Variants in EXOC4 observed in about 807,000 individuals in gnomAD.
EXOC4 encodes the protein SEC8-like 1.
A neutral mutation model predicts 107.2 loss-of-function variants in EXOC4; 71 were observed. That is an observed-to-expected ratio of 0.66 (90% CI 0.55 to 0.81). EXOC4 has a LOEUF of 0.81. Ranked by LOEUF, EXOC4 falls within the 30% of genes least tolerant of loss-of-function variation. EXOC4 has a pLI of 0.00. For synonymous variants in EXOC4, 456 were observed against 441.2 expected (o/e 1.03, Z -0.42); for missense variants, 1,108 against 1,189.6 (o/e 0.93, Z 1.01).
intron 4 of EXOC4, among the ~76,000 whole-genome samples, chr7:133,315,618 T>G (rs1794974125): frequency 6.6e-6 from 1 of 152,220 alleles, no homozygotes; most frequent in Non-Finnish European, 1.5e-5. Flanking sequence ...ATTTATTTTA[T>G]AAATAGATAA....
chr7:133,768,801 C>T (rs1265205530), intron 10 of EXOC4, among the ~76,000 whole-genome samples: 1 of 151,886 alleles, frequency 6.6e-6, no homozygotes, highest in Non-Finnish European at 1.5e-5. Context: ...CCCTTCTTCT[C>T]AGAGAGCCCA....
intron 9 of EXOC4, among the ~76,000 whole-genome samples, chr7:133,617,183 T>G (rs1802213486): frequency 6.6e-6 from 1 of 152,188 alleles, no homozygotes; most frequent in Non-Finnish European, 1.5e-5. Context: ...TATTAATTAT[T>G]TTTGGATTAT....
chr7:134,015,428 G>A (rs760476216), intron 17 of EXOC4, among the ~76,000 whole-genome samples: 1 of 152,112 alleles, frequency 6.6e-6, no homozygotes, highest in Non-Finnish European at 1.5e-5. Context: ...AAGTTATTTG[G>A]ACTTTGTCCT....
intron 10 of EXOC4, among the ~76,000 whole-genome samples, chr7:133,644,841 G>A (rs1313947693): frequency 6.6e-6 from 1 of 152,098 alleles, no homozygotes; most frequent in Non-Finnish European, 1.5e-5. Context: ...CATTTAGTAA[G>A]TGCATGAGAA....
At chr7:133,787,280 C>G (rs1796591800) in intron 10 of EXOC4, among the ~76,000 whole-genome samples, 1 of 150,620 alleles carries the variant, frequency 6.6e-6, no homozygotes, top group African/African-American at 2.4e-5. Context: ...GATCCTCCCA[C>G]CTCAGCCTCC....
chr7:133,424,371 A>G (rs1373879220), intron 7 of EXOC4, among the ~76,000 whole-genome samples: 5 of 151,958 alleles, frequency 3.3e-5, no homozygotes, highest in African/African-American at 4.8e-5. Flanking sequence ...CGCCTTTAAG[A>G]GCTGTAACAC....
At chr7:133,935,441 G>A (rs55655901) in intron 13 of EXOC4, among the ~76,000 whole-genome samples, 15,476 of 152,120 alleles carry the variant, frequency 0.1, 938 homozygotes, top group Middle Eastern at 0.14. Flanking sequence ...TACCAAGAAC[G>A]CATGGGATAA....
At chr7:133,438,499 T>G (rs1414505155) in intron 7 of EXOC4, among the ~76,000 whole-genome samples, 1 of 152,314 alleles carries the variant, frequency 6.6e-6, no homozygotes, top group East Asian at 1.9e-4. Flanking sequence ...TGTTATTATC[T>G]AATATACTCT....
At chr7:133,668,778 A>G (rs1023881015) in intron 10 of EXOC4, among the ~76,000 whole-genome samples, 1 of 152,164 alleles carries the variant, frequency 6.6e-6, no homozygotes, top group Non-Finnish European at 1.5e-5. Context: ...CACCTCCAAC[A>G]TTCCCGAGTT....
chr7:133,471,882 T>C (rs1239284836), intron 7 of EXOC4, among the ~76,000 whole-genome samples: 1 of 152,176 alleles, frequency 6.6e-6, no homozygotes, highest in Non-Finnish European at 1.5e-5. Context: ...TTTTGATGAA[T>C]ACTTATTGAA....
At chr7:133,726,968 T>A (rs1310558129) in intron 10 of EXOC4, among the ~76,000 whole-genome samples, 1 of 152,250 alleles carries the variant, frequency 6.6e-6, no homozygotes, top group Admixed American at 6.5e-5. Flanking sequence ...CCTAAACTCC[T>A]GAAGGCTCCA....
chr7:133,676,330 A>G (rs886982575), intron 10 of EXOC4, among the ~76,000 whole-genome samples: 1 of 152,158 alleles, frequency 6.6e-6, no homozygotes, highest in East Asian at 1.9e-4. Flanking sequence ...CATACCAAGT[A>G]TGCCTCTTTT....
intron 10 of EXOC4, among the ~76,000 whole-genome samples, chr7:133,635,017 G>A (rs1236844356): frequency 1.3e-5 from 2 of 152,060 alleles, no homozygotes; most frequent in South Asian, 2.1e-4. Flanking sequence ...TGGAATTTAT[G>A]TTATGGGCCT....
intron 10 of EXOC4, among the ~76,000 whole-genome samples, chr7:133,758,191 G>A (rs1178268449): frequency 6.6e-6 from 1 of 152,056 alleles, no homozygotes; most frequent in African/African-American, 2.4e-5. Flanking sequence ...TGTTGCCCAG[G>A]CTGGAGTGCA....
intron 9 of EXOC4, among the ~76,000 whole-genome samples, chr7:133,484,743 T>C (rs1799234625): frequency 6.6e-6 from 1 of 152,064 alleles, no homozygotes; most frequent in Middle Eastern, 3.2e-3. Flanking sequence ...TTAGAAACAT[T>C]AGATTAGCAA....
At chr7:133,807,336 G>T (rs1416583404) in intron 10 of EXOC4, among the ~76,000 whole-genome samples, 2 of 152,124 alleles carry the variant, frequency 1.3e-5, no homozygotes, top group Admixed American at 6.5e-5. Context: ...TCCATATAAA[G>T]CTCTTTGATC....
intron 10 of EXOC4, among the ~76,000 whole-genome samples, chr7:133,723,349 A>G (rs1014735603): frequency 2.6e-5 from 4 of 152,208 alleles, no homozygotes; most frequent in South Asian, 2.1e-4. Flanking sequence ...CATTCATTCA[A>G]TCTTAGATGG....
intron 17 of EXOC4, among the ~76,000 whole-genome samples, chr7:134,016,641 T>G (rs1794914457): frequency 6.6e-6 from 1 of 152,242 alleles, no homozygotes; most frequent in South Asian, 2.1e-4. Context: ...TTCAGACCCC[T>G]GCTTTATCCT....
Position 133,854,487 on chromosome 7 carries a change from A to G in EXOC4, c.1734+36943A>G, listed in dbSNP as rs1046729308. Among the ~76,000 whole-genome samples, 5 of 151,982 alleles carry G rather than the reference A, an allele frequency of 3.3e-5. No individual in the cohort carries two copies. In the East Asian group the frequency reaches 9.7e-4, roughly 30 times the overall value. On this transcript the variant is annotated intron_variant, in intron 11 of 17. Coordinates refer to ENST00000253861, the MANE Select transcript of EXOC4 (RefSeq NM_021807.4). ...CCTGTGCTTCACATGCTGTGAAGCT[A>G]AAGAAGAGTGCAAGAGGAAGGCAGC...
Sources: allele counts gnomAD v4.1 joint callset (sites outside exome capture counted in the v4.1 genomes callset), GRCh38; gene constraint gnomAD v4.1.1; transcripts MANE v1.5; gene names NCBI Gene and HGNC (gene_info 2026-07-23, HGNC 2026-07-21).